RAD51B: variants seen among roughly 807,000 people sequenced by gnomAD.
The protein encoded by RAD51B is RAD51 paralog B, also known as DNA repair protein RAD51 homolog 2.
RAD51B carries 38 observed loss-of-function variants against 42.2 expected under a neutral mutation model. That is an observed-to-expected ratio of 0.90 (90% confidence interval 0.70 to 1.18). The LOEUF (loss-of-function observed/expected upper bound fraction) is 1.18, where lower values mean the gene tolerates loss of function less well. Ranked by LOEUF, RAD51B falls within the 50% of genes most tolerant of loss-of-function variation. The probability of loss-of-function intolerance (pLI) is 0.00; values close to 1 mark genes in which losing one functional copy is unlikely to be tolerated. For synonymous variants in RAD51B, 154 were observed against 145.2 expected (o/e 1.06, Z -0.43); for missense variants, 373 against 400.7 (o/e 0.93, Z 0.59).
In RAD51B at chr14:68,547,333, G is replaced by T. The variant is rs2140377178; in HGVS notation, c.1037-47152G>T. Reference sequence around the variant, plus strand: ...TCTGTTTCTAAAGACACCTCATTCTGCCTTCCTTCCGGCCATCCACTGTTA... The same window carrying T: ...TCTGTTTCTAAAGACACCTCATTCTTCCTTCCTTCCGGCCATCCACTGTTA... On this transcript the variant is annotated intron_variant, in intron 10 of 10. Transcript: ENST00000487270. 1.3e-5 allele frequency among the ~76,000 whole-genome samples: 2 copies of T among 152,308 alleles called. 1 individual carries two copies. The highest frequency in any genetic ancestry group is 4.1e-4 in the South Asian group (2 of 4,826).
intron 8 of RAD51B, among the ~76,000 whole-genome samples, chr14:68,358,286 A>G (rs527532008): frequency 2.8e-4 from 42 of 152,386 alleles, no homozygotes; most frequent in African/African-American, 9.6e-4. Flanking sequence ...AAGACTTGTC[A>G]ACGCGCTTGC....
At chr14:68,102,243 C>T (rs1256058216) in intron 7 of RAD51B, among the ~76,000 whole-genome samples, 1 of 152,208 alleles carries the variant, frequency 6.6e-6, no homozygotes, top group Non-Finnish European at 1.5e-5. Context: ...GCCCTGGAGA[C>T]ATTTTCTCCA....
At chr14:67,939,658 C>A (rs2045090114) in intron 7 of RAD51B, among the ~76,000 whole-genome samples, 1 of 152,038 alleles carries the variant, frequency 6.6e-6, no homozygotes, top group Non-Finnish European at 1.5e-5. Flanking sequence ...ACATTTATTT[C>A]TCACAGTTCT....
At chr14:68,535,396 A>AC (rs1189612954) in intron 10 of RAD51B, among the ~76,000 whole-genome samples, 3 of 54,932 alleles carry the variant, frequency 5.5e-5, no homozygotes, top group African/African-American at 2.0e-4. Context: ...CCCACCCCTC[A>AC]CCCCCCACAT....
chr14:68,010,552 T>C (rs2140329054), intron 7 of RAD51B, among the ~76,000 whole-genome samples: 1 of 151,928 alleles, frequency 6.6e-6, no homozygotes, highest in Non-Finnish European at 1.5e-5. Context: ...TAATGGATTC[T>C]GTTTTGTTAA....
At chr14:68,215,910 T>A (rs1595562389) in intron 7 of RAD51B, among the ~76,000 whole-genome samples, 1 of 152,342 alleles carries the variant, frequency 6.6e-6, no homozygotes, top group Non-Finnish European at 1.5e-5. Context: ...GGGATTTTTT[T>A]AAGTGCCCAG....
At chr14:68,054,490 C>T (rs1173354319) in intron 7 of RAD51B, among the ~76,000 whole-genome samples, 1 of 152,162 alleles carries the variant, frequency 6.6e-6, no homozygotes, top group Admixed American at 6.5e-5. Context: ...CAGCATCACA[C>T]TATTCATTCT....
chr14:68,117,122 C>T (rs1327867193), intron 7 of RAD51B, among the ~76,000 whole-genome samples: 1 of 152,122 alleles, frequency 6.6e-6, no homozygotes, highest in Non-Finnish European at 1.5e-5. Flanking sequence ...ATAGAGCGTG[C>T]TCCTGCATTA....
At chr14:68,288,932 A>G (rs1337668141) in intron 7 of RAD51B, among the ~76,000 whole-genome samples, 1 of 152,204 alleles carries the variant, frequency 6.6e-6, no homozygotes, top group Non-Finnish European at 1.5e-5. Context: ...TATTCAGTTT[A>G]TTGGTAGATA....
chr14:67,920,652 C>A (rs1392960844), intron 7 of RAD51B, among the ~76,000 whole-genome samples: 2 of 152,082 alleles, frequency 1.3e-5, no homozygotes, highest in Non-Finnish European at 2.9e-5. Flanking sequence ...TATGTGGTCA[C>A]CCAGGGGTCT....
At chr14:68,285,586 C>T (rs1476252858) in intron 7 of RAD51B, among the ~76,000 whole-genome samples, 3 of 152,158 alleles carry the variant, frequency 2.0e-5, no homozygotes, top group Admixed American at 1.3e-4. Flanking sequence ...AGTATCAGGA[C>T]GGACTATCAC....
intron 9 of RAD51B, among the ~76,000 whole-genome samples, chr14:68,440,020 G>T (rs1003849931): frequency 3.3e-5 from 5 of 152,212 alleles, no homozygotes; most frequent in South Asian, 2.1e-4. Context: ...CTCTCCAGGA[G>T]GGAAAGGATT....
chr14:67,963,838 ATTTT>A (rs939550791), intron 7 of RAD51B, among the ~76,000 whole-genome samples: 1 of 151,648 alleles, frequency 6.6e-6, no homozygotes, highest in East Asian at 1.9e-4. Context: ...TTTTTTTAGG[ATTTT>A]TTTGAGTGAC....
At chr14:68,646,406 C>A (rs1003522447) in intron 10 of RAD51B, among the ~76,000 whole-genome samples, 3 of 152,168 alleles carry the variant, frequency 2.0e-5, no homozygotes, top group African/African-American at 7.2e-5. Context: ...AACTACGTGT[C>A]TGTCCTTGGC....
At chr14:67,848,025 G>T (rs892209486) in intron 4 of RAD51B, among the ~76,000 whole-genome samples, 3 of 152,000 alleles carry the variant, frequency 2.0e-5, no homozygotes, top group Admixed American at 6.6e-5. Context: ...ACACTTTTTT[G>T]TTGTTGTTGT....
At chr14:68,401,945 T>C (rs1258229173) in intron 8 of RAD51B, among the ~76,000 whole-genome samples, 2 of 152,144 alleles carry the variant, frequency 1.3e-5, no homozygotes. Flanking sequence ...AGCTGATGGG[T>C]TTTTTCCAGT....
intron 7 of RAD51B, among the ~76,000 whole-genome samples, chr14:68,001,016 TATA>T (rs1185802438): frequency 6.6e-6 from 1 of 152,182 alleles, no homozygotes; most frequent in East Asian, 1.9e-4. Context: ...TTAGGTATTC[TATA>T]ATATTATAGA....
intron 10 of RAD51B, among the ~76,000 whole-genome samples, chr14:68,556,767 G>A (rs1207519758): frequency 6.6e-6 from 1 of 152,106 alleles, no homozygotes; most frequent in Non-Finnish European, 1.5e-5. Context: ...CTTCCAGGGA[G>A]GGCTGGTCAC....
chr14:68,276,913 T>A lies in RAD51B; in HGVS notation c.757-14971T>A, dbSNP rs556354811. The stretch of plus-strand genomic sequence containing the variant: ...CCCTCAAAGCCCTCCGAGGTAGTAC[T>A]GGCTACTGGGAAAAGGATGTCGGGG... On this transcript the variant is annotated intron_variant, in intron 7 of 10. Coordinates refer to ENST00000471583, the MANE Select transcript of RAD51B (RefSeq NM_133510.4). 5.3e-5 allele frequency among the ~76,000 whole-genome samples: 8 copies of A among 152,328 alleles called. No homozygotes were observed. In the South Asian group the frequency reaches 1.4e-3, roughly 28 times the overall value.
Sources: allele counts gnomAD v4.1 joint callset (sites outside exome capture counted in the v4.1 genomes callset), GRCh38; gene constraint gnomAD v4.1.1; transcripts MANE v1.5; gene names NCBI Gene and HGNC (gene_info 2026-07-23, HGNC 2026-07-21).